The following NEGR1 variants were observed in gnomAD, a reference collection of about 807,000 sequenced individuals.
NEGR1 encodes IgLON family member 4.
Under a neutral mutation model 40.9 loss-of-function variants are expected in NEGR1, and 10 were observed. The observed-to-expected ratio is 0.24, with a 90% confidence interval of 0.15 to 0.42. NEGR1 has a LOEUF of 0.42. Among genes scored for constraint, NEGR1 ranks in the 10% least tolerant of loss-of-function variants. NEGR1 has a pLI of 1.00. For synonymous variants in NEGR1, 185 were observed against 166.8 expected (o/e 1.11, Z -0.84); for missense variants, 352 against 438.9 (o/e 0.80, Z 1.77).
chr1:71,815,294 T>C (rs544831386), intron 2 of NEGR1, among the ~76,000 whole-genome samples: 1 of 152,236 alleles, frequency 6.6e-6, no homozygotes, highest in South Asian at 2.1e-4. Context: ...TTTCAGTTCT[T>C]TTGCATTTGC....
chr1:71,631,242 T>C (rs1294165577), intron 4 of NEGR1, among the ~76,000 whole-genome samples: 1 of 143,782 alleles, frequency 7.0e-6, no homozygotes, highest in Non-Finnish European at 1.5e-5. Flanking sequence ...TTTAAGTAAA[T>C]ATTATTATTT....
chr1:71,619,007 T>C (rs1348102764), intron 4 of NEGR1, among the ~76,000 whole-genome samples: 1 of 152,122 alleles, frequency 6.6e-6, no homozygotes, highest in African/African-American at 2.4e-5. Flanking sequence ...CTCAAGAGGT[T>C]TCTAAGGGCT....
At chr1:71,976,780 A>G (rs949119564) in intron 1 of NEGR1, among the ~76,000 whole-genome samples, 13 of 152,216 alleles carry the variant, frequency 8.5e-5, no homozygotes, top group African/African-American at 2.9e-4. Context: ...CACTGACTCT[A>G]AAAGTAATAG....
intron 1 of NEGR1, among the ~76,000 whole-genome samples, chr1:72,087,184 C>G (rs181104208): frequency 6.6e-6 from 1 of 152,068 alleles, no homozygotes; most frequent in Non-Finnish European, 1.5e-5. Flanking sequence ...CTTTGGGAGG[C>G]TGAGGTGGGG....
chr1:71,842,851 T>A (rs1031037446), intron 2 of NEGR1, among the ~76,000 whole-genome samples: 1 of 152,156 alleles, frequency 6.6e-6, no homozygotes, highest in Non-Finnish European at 1.5e-5. Context: ...ATAAACATCT[T>A]TTGCAACCAA....
chr1:71,656,229 C>T (rs1465891934), intron 4 of NEGR1, among the ~76,000 whole-genome samples: 1 of 152,126 alleles, frequency 6.6e-6, no homozygotes, highest in Admixed American at 6.5e-5. Flanking sequence ...ATTAAACTCT[C>T]ATGACGTAGT....
intron 2 of NEGR1, among the ~76,000 whole-genome samples, chr1:71,824,094 A>G (rs972163652): frequency 3.9e-5 from 6 of 152,000 alleles, no homozygotes; most frequent in Admixed American, 3.3e-4. Context: ...AAAGGTGCCA[A>G]GTCATCTATC....
chr1:71,609,148 A>T (rs1650160098), intron 5 of NEGR1, among the ~76,000 whole-genome samples: 1 of 152,156 alleles, frequency 6.6e-6, no homozygotes, highest in Non-Finnish European at 1.5e-5. Context: ...GAATTTAAAA[A>T]TTTAACAACC....
At position 71,472,273 on chromosome 1, in the gene NEGR1, TTGTC is replaced by T. The variant is rs777534727; in HGVS notation, c.941-64707_941-64704del. Among the ~76,000 whole-genome samples the T allele has an allele frequency of 5.3e-5, 8 of 152,230 alleles. No individual in the cohort carries two copies. The East Asian group carries it at 1.6e-3, about 30-fold the overall frequency. On this transcript the variant is annotated intron_variant, in intron 6 of 6. Transcript: ENST00000357731. Reference sequence around the variant, plus strand: ...AAATAGAAATATGTCTACTACAAAATTGTCTGACTGGCTATCATTTTTTCCTAAT... The same window carrying T: ...AAATAGAAATATGTCTACTACAAAATTGACTGGCTATCATTTTTTCCTAAT...
chr1:72,195,754 T>C (rs1226363681), intron 1 of NEGR1, among the ~76,000 whole-genome samples: 2 of 152,018 alleles, frequency 1.3e-5, no homozygotes, highest in East Asian at 3.9e-4. Context: ...TTAGGAATGA[T>C]TGATACCTTT....
intron 6 of NEGR1, among the ~76,000 whole-genome samples, chr1:71,453,262 C>T (rs1454033229): frequency 6.6e-6 from 1 of 152,084 alleles, no homozygotes; most frequent in African/African-American, 2.4e-5. Context: ...TCTGTGTCAT[C>T]TTTATGTTCT....
At chr1:71,593,897 T>G (rs1649594088) in intron 5 of NEGR1, among the ~76,000 whole-genome samples, 1 of 152,238 alleles carries the variant, frequency 6.6e-6, no homozygotes, top group Admixed American at 6.5e-5. Context: ...CTCTGTATGT[T>G]TCTTTTGTAC....
intron 4 of NEGR1, among the ~76,000 whole-genome samples, chr1:71,646,128 A>G (rs1030538403): frequency 6.6e-6 from 1 of 151,734 alleles, no homozygotes; most frequent in African/African-American, 2.4e-5. Context: ...GTGCTTGTGT[A>G]TGTATACATA....
intron 4 of NEGR1, among the ~76,000 whole-genome samples, chr1:71,697,508 C>T (rs775272590): frequency 5.3e-5 from 8 of 151,766 alleles, no homozygotes; most frequent in Non-Finnish European, 8.8e-5. Context: ...AACAACAATG[C>T]TTATGGAAAA....
intron 6 of NEGR1, among the ~76,000 whole-genome samples, chr1:71,504,635 C>T (rs145917658): frequency 1.3e-3 from 199 of 152,190 alleles, no homozygotes; most frequent in African/African-American, 4.5e-3. Context: ...AGGTGGGACC[C>T]GAGGAAGAAA....
chr1:72,227,646 A>G (rs987858703), intron 1 of NEGR1, among the ~76,000 whole-genome samples: 2 of 152,118 alleles, frequency 1.3e-5, no homozygotes, highest in Admixed American at 1.3e-4. Flanking sequence ...CCATATATAG[A>G]AACTTTTTTG....
intron 3 of NEGR1, among the ~76,000 whole-genome samples, chr1:71,711,800 T>C (rs1375721070): frequency 1.3e-5 from 2 of 152,228 alleles, no homozygotes; most frequent in Admixed American, 6.5e-5. Context: ...AATTTGCTAA[T>C]AAAATTATTC....
chr1:71,495,255 G>GCCTC (rs1646953876), intron 6 of NEGR1, among the ~76,000 whole-genome samples: 1 of 152,032 alleles, frequency 6.6e-6, no homozygotes, highest in African/African-American at 2.4e-5. Flanking sequence ...AAGGTGGGTG[G>GCCTC]ATCACTTGAG....
intron 2 of NEGR1, among the ~76,000 whole-genome samples, chr1:71,821,705 G>A (rs906246838): frequency 1.3e-5 from 2 of 151,858 alleles, no homozygotes; most frequent in African/African-American, 4.8e-5. Context: ...CACAACACAG[G>A]CCTCTACGGA....
Sources: allele counts gnomAD v4.1 joint callset (sites outside exome capture counted in the v4.1 genomes callset), GRCh38; gene constraint gnomAD v4.1.1; transcripts MANE v1.5; gene names NCBI Gene and HGNC (gene_info 2026-07-23, HGNC 2026-07-21).